MVB12B: variants seen among roughly 807,000 people sequenced by gnomAD.
MVB12B encodes the protein ESCRT-I complex subunit MVB12B.
A neutral mutation model predicts 41.6 loss-of-function variants in MVB12B; 16 were observed. That is an observed-to-expected ratio of 0.38 (90% confidence interval 0.26 to 0.58). The LOEUF (loss-of-function observed/expected upper bound fraction) is 0.58. Among genes scored for constraint, MVB12B ranks in the 20% least tolerant of loss-of-function variants. The pLI is 0.62. For missense variants in MVB12B, 274 were observed against 380.2 expected (o/e 0.72, Z 2.32); for synonymous variants, 133 against 139.7 (o/e 0.95, Z 0.34).
chr9:126,428,907 C>T (rs983131200), intron 7 of MVB12B, among the ~76,000 whole-genome samples: 11 of 152,180 alleles, frequency 7.2e-5, no homozygotes, highest in South Asian at 4.1e-4. Flanking sequence ...TCTCGTGGCT[C>T]GGGGTGGCAT....
intron 7 of MVB12B, among the ~76,000 whole-genome samples, chr9:126,422,262 C>T (rs1002867005): frequency 1.3e-5 from 2 of 152,214 alleles, no homozygotes; most frequent in Non-Finnish European, 2.9e-5. Context: ...AGGCTTCCCA[C>T]GGGGCCTCGG....
chr9:126,419,288 T>C (rs1831926643), intron 6 of MVB12B, among the ~76,000 whole-genome samples: 1 of 152,154 alleles, frequency 6.6e-6, no homozygotes, highest in Admixed American at 6.5e-5. Context: ...AATTCCCTCA[T>C]TGGTATAGTG....
intron 8 of MVB12B, among the ~76,000 whole-genome samples, chr9:126,483,643 G>A (rs529381336): frequency 3.8e-4 from 58 of 152,294 alleles, no homozygotes; most frequent in African/African-American, 1.3e-3. Context: ...CTGCTGGCAG[G>A]GTGAGAAGAC....
chr9:126,501,946 C>T (rs1449758885), intron 9 of MVB12B, among the ~76,000 whole-genome samples: 1 of 152,048 alleles, frequency 6.6e-6, no homozygotes, highest in Non-Finnish European at 1.5e-5. Context: ...GGCGATGTGA[C>T]CCCTGCCGTG....
At chr9:126,390,254 G>A (rs1830908889) in intron 4 of MVB12B, among the ~76,000 whole-genome samples, 1 of 152,198 alleles carries the variant, frequency 6.6e-6, no homozygotes, top group African/African-American at 2.4e-5. Flanking sequence ...GCCAGGCACT[G>A]GGCTAAGTGG....
rs989815957 is a variant in MVB12B at position 126,392,397 on chromosome 9, G to C, written c.539+202G>C. On this transcript the variant is annotated intron_variant, in intron 5 of 9. Transcript: ENST00000361171. The surrounding 1 kb of genome is among the most constrained non-coding windows in gnomAD (Gnocchi z 4.8). ...GGCTCGCACTGCTGACTCCACCTTA[G>C]GGCCTTTCCTCCCCTGCCCTTCTGC... Among the ~76,000 whole-genome samples the C allele has an allele frequency of 6.6e-6, 1 of 152,182 alleles. No individual in the cohort carries two copies. Among genetic ancestry groups the C allele is most frequent in the Non-Finnish European group, 1.5e-5 (1 of 68,034 alleles).
intron 9 of MVB12B, among the ~76,000 whole-genome samples, 161 bp downstream of exon 9, chr9:126,484,193 TTAGA>T (rs1444727786): frequency 3.9e-5 from 6 of 152,368 alleles, no homozygotes; most frequent in African/African-American, 1.4e-4. Flanking sequence ...AATGTGTTTC[TTAGA>T]TAAAGTAACT....
At chr9:126,474,817 C>T in intron 7 of MVB12B, among the ~76,000 whole-genome samples, 1 of 152,174 alleles carries the variant, frequency 6.6e-6, no homozygotes, top group East Asian at 1.9e-4. Flanking sequence ...ATGGCTGCTT[C>T]TCCTTTCCCT....
At chr9:126,329,186 G>A (rs998906597) in intron 1 of MVB12B, among the ~76,000 whole-genome samples, 1 of 152,068 alleles carries the variant, frequency 6.6e-6, no homozygotes, top group African/African-American at 2.4e-5. Flanking sequence ...CTACCTCCTG[G>A]ACCCCAGGTG....
intron 1 of MVB12B, among the ~76,000 whole-genome samples, chr9:126,336,575 ACT>A: frequency 6.6e-6 from 1 of 152,330 alleles, no homozygotes; most frequent in East Asian, 1.9e-4. Context: ...TATCTGCAGC[ACT>A]GCAGGCAGAA....
intron 6 of MVB12B, among the ~76,000 whole-genome samples, chr9:126,410,668 C>T (rs1044185052): frequency 2.8e-4 from 42 of 152,128 alleles, no homozygotes; most frequent in African/African-American, 9.7e-4. Flanking sequence ...CTCTGACTCC[C>T]GGAGCCTCCG....
intron 2 of MVB12B, among the ~76,000 whole-genome samples, chr9:126,375,539 TC>T (rs1830459460): frequency 6.6e-6 from 1 of 152,050 alleles, no homozygotes; most frequent in Admixed American, 6.6e-5. Flanking sequence ...TGACGTCTCT[TC>T]CTTTCCCTGT....
intron 7 of MVB12B, among the ~76,000 whole-genome samples, chr9:126,442,927 T>C (rs1020725673): frequency 2.0e-5 from 3 of 152,204 alleles, no homozygotes; most frequent in African/African-American, 4.8e-5. Flanking sequence ...GGAAGCTATT[T>C]TGAGTTTAAA....
At chr9:126,348,884 A>C (rs552807007) in intron 2 of MVB12B, among the ~76,000 whole-genome samples, 50 of 152,356 alleles carry the variant, frequency 3.3e-4, no homozygotes, top group African/African-American at 1.2e-3. Context: ...AATACAGTAC[A>C]TTAATACAGA....
At chr9:126,423,242 C>T (rs1438373131) in intron 7 of MVB12B, among the ~76,000 whole-genome samples, 1 of 152,218 alleles carries the variant, frequency 6.6e-6, no homozygotes. Flanking sequence ...TTTTCTGCAG[C>T]TCACAAATCT....
At position 126,506,988 on chromosome 9, in the gene MVB12B, TTGTC is replaced by T. The variant is rs1834086191; in HGVS notation, c.*3729_*3732del. 1 of 152,648 alleles carries T rather than the reference TTGTC, an allele frequency of 6.6e-6. No homozygotes were observed. Among genetic ancestry groups the T allele is most frequent in the South Asian group, 2.1e-4 (1 of 4,830 alleles). The allele number at this position is 152,648 out of a possible 1,614,324, so 9.5% of individuals were successfully genotyped here. A position where few individuals can be genotyped will look rare whatever the true frequency, so the allele number is the denominator to read the frequency against. ...TTGGCAAGGGAAGTCCACTGTGTGA[TTGTC>T]TGTATTCTTAATATAATTTGTTAAA... On this transcript the variant is annotated 3_prime_UTR_variant, in exon 10 of 10. Coordinates refer to ENST00000361171, the MANE Select transcript of MVB12B (RefSeq NM_033446.3).
intron 9 of MVB12B, among the ~76,000 whole-genome samples, chr9:126,500,422 A>T (rs185033139): frequency 6.6e-6 from 1 of 150,476 alleles, no homozygotes; most frequent in Non-Finnish European, 1.5e-5. Flanking sequence ...CTTTCTGCAC[A>T]GCGTGTGGTC....
At chr9:126,439,896 G>A (rs1832587650) in intron 7 of MVB12B, among the ~76,000 whole-genome samples, 1 of 152,170 alleles carries the variant, frequency 6.6e-6, no homozygotes, top group South Asian at 2.1e-4. Flanking sequence ...ATTAAGACTT[G>A]CATATAATGT....
chr9:126,368,414 C>A (rs544061806), intron 2 of MVB12B, among the ~76,000 whole-genome samples: 1 of 152,320 alleles, frequency 6.6e-6, no homozygotes, highest in East Asian at 1.9e-4. Context: ...GCCTGCCCTG[C>A]TTTGCTTTTT....
Sources: gnomAD v4.1 joint callset for allele counts (sites outside exome capture counted in the v4.1 genomes callset) on GRCh38, gnomAD v4.1.1 for gene constraint, Gnocchi (gnomAD v3.1) non-coding constraint, MANE v1.5 for transcripts, NCBI Gene and HGNC (gene_info 2026-07-23, HGNC 2026-07-21) for gene names.